WDR41: variants seen among roughly 807,000 people sequenced by gnomAD.
WDR41 encodes the protein WD repeat-containing protein 41.
WDR41 carries 63 observed loss-of-function variants against 69.3 expected under a neutral mutation model. The ratio of observed to expected loss-of-function variants is 0.91; its 90% CI spans 0.74 to 1.12. The LOEUF (loss-of-function observed/expected upper bound fraction) is 1.12, where lower values mean the gene tolerates loss of function less well. WDR41 is among the 50% of genes most tolerant of loss of function. The pLI, the probability that WDR41 is intolerant of heterozygous loss-of-function variation, is 0.00. For synonymous variants in WDR41, 185 were observed against 192.1 expected, an observed-to-expected ratio of 0.96 and a Z score of 0.31; for missense variants, 543 against 534.5, an observed-to-expected ratio of 1.02 and a Z score of -0.16.
At chr5:77,583,580 C>T (rs34042520) in intron 1 of WDR41, among the ~76,000 whole-genome samples, 45,722 of 151,600 alleles carry the variant, frequency 0.3, 6,965 homozygotes, top group Non-Finnish European at 0.31. Context: ...ATATAGGTAC[C>T]CCATAAATAT....
At chr5:77,561,437 T>C (rs950907383) in intron 1 of WDR41, among the ~76,000 whole-genome samples, 2 of 152,168 alleles carry the variant, frequency 1.3e-5, no homozygotes, top group African/African-American at 4.8e-5. Context: ...TTATTTAGTT[T>C]TGATACTTTT....
At chr5:77,435,052 C>A (rs548449277) in intron 12 of WDR41, among the ~76,000 whole-genome samples, 2 of 152,148 alleles carry the variant, frequency 1.3e-5, no homozygotes, top group Non-Finnish European at 1.5e-5. Flanking sequence ...AGGAACCCAG[C>A]GCTCCGGCCT....
At chr5:77,499,564 T>C (rs1012412527) in intron 1 of WDR41, 2 of 151,946 alleles carry the variant, frequency 1.3e-5, no homozygotes, top group African/African-American at 4.8e-5. Flanking sequence ...TGCAAAAGAG[T>C]GCATCCAAAC....
At chr5:77,560,148 G>A (rs1038370525) in intron 1 of WDR41, among the ~76,000 whole-genome samples, 1 of 152,072 alleles carries the variant, frequency 6.6e-6, no homozygotes, top group African/African-American at 2.4e-5. Context: ...CATCTGTTAG[G>A]TTGTATAAAA....
chr5:77,449,175 G>A (rs1361221432), intron 8 of WDR41, among the ~76,000 whole-genome samples: 1 of 152,196 alleles, frequency 6.6e-6, no homozygotes, highest in Admixed American at 6.5e-5. Flanking sequence ...TTAGCTCACA[G>A]GAGATACTCA....
intron 1 of WDR41, among the ~76,000 whole-genome samples, chr5:77,529,707 C>A (rs903426350): frequency 6.6e-6 from 1 of 151,312 alleles, no homozygotes; most frequent in Non-Finnish European, 1.5e-5. Context: ...AGTTAAGAAG[C>A]AAATCCAGGC....
At chr5:77,540,221 GC>G (rs1358650114) in intron 1 of WDR41, among the ~76,000 whole-genome samples, 1 of 152,176 alleles carries the variant, frequency 6.6e-6, no homozygotes, top group Non-Finnish European at 1.5e-5. Context: ...GATGAGTCTT[GC>G]TTTGATAATT....
intron 2 of WDR41, among the ~76,000 whole-genome samples, chr5:77,479,329 G>C (rs1325927622): frequency 1.3e-5 from 2 of 151,896 alleles, no homozygotes; most frequent in African/African-American, 4.8e-5. Context: ...CTACTTTAAA[G>C]TTCATATGGA....
At chr5:77,546,172 A>G (rs1268753515) in intron 1 of WDR41, 2 of 455,158 alleles carry the variant, frequency 4.4e-6, no homozygotes, top group African/African-American at 4.1e-5. Flanking sequence ...GTATTCACCA[A>G]GTCTCCCTAT....
At chr5:77,590,208 A>C (rs191917887) in intron 1 of WDR41, among the ~76,000 whole-genome samples, 24 of 152,312 alleles carry the variant, frequency 1.6e-4, no homozygotes, top group Non-Finnish European at 3.4e-4. Context: ...TCAGTTTTAT[A>C]GATAGCTGGA....
intron 1 of WDR41, among the ~76,000 whole-genome samples, chr5:77,518,026 C>T (rs557924871): frequency 3.4e-4 from 52 of 152,162 alleles, no homozygotes; most frequent in Middle Eastern, 6.8e-3. Context: ...TGCAAATGAG[C>T]TCCCTCAAAA....
rs184181812 is a variant in WDR41 at position 77,487,422 on chromosome 5, T to C, written c.167+2035A>G. Among the ~76,000 whole-genome samples, 233 of 152,286 alleles carry C rather than the reference T, an allele frequency of 1.5e-3. 1 individual carries two copies. The highest frequency in any genetic ancestry group is 5.0e-3 in the African/African-American group (207 of 41,566). On this transcript the variant is annotated intron_variant, in intron 2 of 12. Coordinates refer to ENST00000296679, the MANE Select transcript of WDR41 (RefSeq NM_018268.4). ...TCTCAGGACATAGCAACAAGTAACA[T>C]TGCCAAAAAAAAGGCTGCAGATGAT...
At position 77,549,081 on chromosome 5, in the gene WDR41, A is replaced by G. The variant is rs149060997; in HGVS notation, c.43-59509T>C. On this transcript the variant is annotated intron_variant, in intron 1 of 5. Coordinates refer to the WDR41 transcript ENST00000509971. ...TCTCGCTTATAGTGGGAGCTAAGCT[A>G]TGAGGATGCAAAGGAATAAGAATGA... is the stretch of plus-strand genomic sequence containing the variant. 8.4e-3 allele frequency among the ~76,000 whole-genome samples: 1,276 copies of G among 151,766 alleles called. 18 individuals are homozygous for G. Among genetic ancestry groups the G allele is most frequent in the African/African-American group, 0.03 (1,224 of 41,358 alleles).
chr5:77,554,839 C>T lies in WDR41; in HGVS notation c.43-65267G>A, dbSNP rs576034469. ...CATAGCTGATAAAAGTGCCTAGAGGCCGGGTGGGGTGGCTCATGCCTGCAA... is the reference window on the plus strand; with the variant it reads ...CATAGCTGATAAAAGTGCCTAGAGGTCGGGTGGGGTGGCTCATGCCTGCAA... On this transcript the variant is annotated intron_variant, in intron 1 of 5. Coordinates refer to the WDR41 transcript ENST00000509971. 2.6e-5 allele frequency among the ~76,000 whole-genome samples: 4 copies of T among 151,964 alleles called. No homozygotes were observed. The East Asian group carries it at 7.7e-4, about 29-fold the overall frequency.
At chr5:77,469,078 C>G (rs1800436188) in intron 2 of WDR41, among the ~76,000 whole-genome samples, 1 of 152,146 alleles carries the variant, frequency 6.6e-6, no homozygotes. Context: ...GGGATGAGTT[C>G]ACGTCCTTTG....
chr5:77,502,673 C>A (rs929408599), intron 1 of WDR41, among the ~76,000 whole-genome samples: 3 of 152,150 alleles, frequency 2.0e-5, no homozygotes, highest in Non-Finnish European at 4.4e-5. Context: ...GCGGATCACT[C>A]GGGAGAAACC....
At chr5:77,464,653 C>T in intron 3 of WDR41, 108 bp downstream of exon 3, 1 of 1,098,432 alleles carries the variant, frequency 9.1e-7, no homozygotes, top group East Asian at 2.5e-5. Context: ...ATTAATGTGT[C>T]AATTAACAGT....
In WDR41 at chr5:77,492,225, G is replaced by A. The variant is rs200218426; in HGVS notation, c.-5C>T. ...CCCGATCAGCCATCGCAACATCCGG[G>A]CAGCGGCGGCGTCTTGCCCGGTCCA... On this transcript the variant is annotated 5_prime_UTR_variant, in exon 1 of 13. Transcript: ENST00000296679. 2,424 of 1,612,448 alleles carry A rather than the reference G, an allele frequency of 1.5e-3. No homozygotes were observed. Among genetic ancestry groups the A allele is most frequent in the Non-Finnish European group, 1.9e-3 (2,242 of 1,179,576 alleles).
chr5:77,501,020 T>C (rs987296752), intron 1 of WDR41, among the ~76,000 whole-genome samples: 2 of 152,214 alleles, frequency 1.3e-5, no homozygotes, highest in African/African-American at 2.4e-5. Context: ...TCATTGGGAC[T>C]GCTTGGACAG....
Sources: gnomAD v4.1 joint callset for allele counts (sites outside exome capture counted in the v4.1 genomes callset) on GRCh38, gnomAD v4.1.1 for gene constraint, MANE v1.5 for transcripts, NCBI Gene and HGNC (gene_info 2026-07-23, HGNC 2026-07-21) for gene names.